The following THSD7B variants were observed in gnomAD, a reference collection of about 807,000 sequenced individuals.
The protein encoded by THSD7B is thrombospondin type 1 domain containing 7B, also known as thrombospondin type-1 domain-containing protein 7B.
Under a neutral mutation model 213.6 loss-of-function variants are expected in THSD7B, and 138 were observed. The observed-to-expected ratio is 0.65, with a 90% CI of 0.56 to 0.74. THSD7B has a LOEUF of 0.74. Among genes scored for constraint, THSD7B ranks in the 30% least tolerant of loss-of-function variants. The probability of loss-of-function intolerance (pLI) is 0.00; values close to 1 mark genes in which losing one functional copy is unlikely to be tolerated. For missense variants in THSD7B, 1,931 were observed against 1,991.5 expected (o/e 0.97, Z 0.58); for synonymous variants, 742 against 687.0 (o/e 1.08, Z -1.25).
intron 15 of THSD7B, among the ~76,000 whole-genome samples, chr2:137,489,222 C>T (rs1039478441): frequency 6.6e-6 from 1 of 151,800 alleles, no homozygotes; most frequent in Non-Finnish European, 1.5e-5. Flanking sequence ...GTCAGGAGAT[C>T]GAGACCATCC....
chr2:136,990,405 G>T (rs749932790), intron 2 of THSD7B, among the ~76,000 whole-genome samples: 1 of 152,224 alleles, frequency 6.6e-6, no homozygotes, highest in Admixed American at 6.5e-5. Flanking sequence ...GCCTGAGCAA[G>T]AGTGGCCGAG....
At chr2:136,951,747 T>C (rs522859) in intron 2 of THSD7B, among the ~76,000 whole-genome samples, 61,730 of 152,196 alleles carry the variant, frequency 0.41, 14,785 homozygotes, top group Non-Finnish European at 0.55. Flanking sequence ...TTATAATTGC[T>C]AGTTGGTGGT....
chr2:137,070,744 G>T (rs1386931626), intron 3 of THSD7B, among the ~76,000 whole-genome samples: 2 of 151,292 alleles, frequency 1.3e-5, no homozygotes, highest in Non-Finnish European at 2.9e-5. Context: ...CCCGGTGTAT[G>T]ATGTTCCCCT....
At chr2:137,533,181 C>T (rs1680432389) in intron 15 of THSD7B, among the ~76,000 whole-genome samples, 1 of 151,404 alleles carries the variant, frequency 6.6e-6, no homozygotes, top group African/African-American at 2.4e-5. Context: ...TAAATAATTC[C>T]CTATTGCTAA....
intron 27 of THSD7B, among the ~76,000 whole-genome samples, chr2:137,674,385 T>C (rs746741276): frequency 6.6e-5 from 10 of 152,174 alleles, no homozygotes; most frequent in Non-Finnish European, 1.0e-4. Flanking sequence ...TGTACTCTTT[T>C]TTGCCATTAA....
At chr2:136,825,676 C>T (rs145148524) in intron 1 of THSD7B, among the ~76,000 whole-genome samples, 2,935 of 150,598 alleles carry the variant, frequency 0.019, 97 homozygotes, top group African/African-American at 0.067. Flanking sequence ...CTCAGCCTCC[C>T]GAGTAGCTGG....
chr2:137,650,177 A>G (rs952922701), intron 21 of THSD7B, among the ~76,000 whole-genome samples: 2 of 152,220 alleles, frequency 1.3e-5, no homozygotes, highest in Admixed American at 1.3e-4. Flanking sequence ...CTTTGGAAGT[A>G]TCATCATTTT....
chr2:136,766,611 C>G (rs1468636586), intron 1 of THSD7B, among the ~76,000 whole-genome samples: 1 of 152,280 alleles, frequency 6.6e-6, no homozygotes, highest in East Asian at 1.9e-4. Flanking sequence ...CTCACTCTAT[C>G]CCTTTTTAAA....
chr2:137,665,748 C>T (rs1172795982), intron 26 of THSD7B, among the ~76,000 whole-genome samples: 1 of 152,010 alleles, frequency 6.6e-6, no homozygotes, highest in Non-Finnish European at 1.5e-5. Flanking sequence ...TAAATGCCCA[C>T]AAATAGAATA....
chr2:137,121,263 G>A (rs1219608797), intron 5 of THSD7B, among the ~76,000 whole-genome samples: 1 of 152,166 alleles, frequency 6.6e-6, no homozygotes, highest in Non-Finnish European at 1.5e-5. Flanking sequence ...GCAGGAGAGA[G>A]CTACCCTGGA....
At chr2:136,797,125 A>G (rs898067872) in intron 1 of THSD7B, among the ~76,000 whole-genome samples, 31 of 151,892 alleles carry the variant, frequency 2.0e-4, no homozygotes, top group Non-Finnish European at 3.5e-4. Context: ...TCACTTGGGG[A>G]CTTTTCAAGG....
rs1196677730 is a variant in THSD7B at position 137,667,837 on chromosome 2, T to A, written c.4715T>A (p.Leu1572Gln). The A allele has an allele frequency of 6.3e-7, 1 of 1,599,266 alleles. No individual in the cohort carries two copies. The highest frequency in any genetic ancestry group is 2.2e-5 in the East Asian group (1 of 44,604). The change falls in exon 27 of 28, where the codon CTA (leucine) becomes CAA (glutamine). Residue 1572 changes from leucine to glutamine, a missense_variant. Leu to Gln is a moderately radical substitution (Grantham distance 113). Coordinates refer to ENST00000409968, the MANE Select transcript of THSD7B (RefSeq NM_001316349.2). The stretch of plus-strand genomic sequence containing the variant: ...GGCGCTTTTCTCATCATGATTTTCC[T>A]AATATTTACTTCCTACCTTGTTTGG... ...SGGAFLIMIFLIFTSYLVCKK... is the reference protein window; with the variant it reads ...SGGAFLIMIFQIFTSYLVCKK...
At chr2:136,851,749 C>T (rs530930372) in intron 1 of THSD7B, among the ~76,000 whole-genome samples, 38 of 152,102 alleles carry the variant, frequency 2.5e-4, no homozygotes, top group African/African-American at 8.7e-4. Context: ...AGTCTTGTAT[C>T]GTTACAGCCT....
At position 137,575,725 on chromosome 2, in the gene THSD7B, C is replaced by CACACATATATATATATATAT. The variant is rs59620213; in HGVS notation, c.3423+3170_3423+3171insCACATATATATATATATATA. 2.3e-3 allele frequency among the ~76,000 whole-genome samples: 253 copies of CACACATATATATATATATAT among 110,822 alleles called. 2 individuals carry two copies. Among genetic ancestry groups the CACACATATATATATATATAT allele is most frequent in the African/African-American group, 4.5e-3 (144 of 32,144 alleles). 72.7% of individuals were successfully genotyped at this position (110,822 alleles called of 152,430 possible). A position where few individuals can be genotyped will look rare whatever the true frequency, so the allele number is the denominator to read the frequency against. On this transcript the variant is annotated intron_variant, in intron 17 of 27. Coordinates refer to ENST00000409968, the MANE Select transcript of THSD7B (RefSeq NM_001316349.2). ...TGTTTTTTCTTATTCCCATAACACA[C>CACACATATATATATATATAT]ATATATATATATATATATTTTTACT...
At chr2:137,016,353 A>G (rs1686340405) in intron 2 of THSD7B, among the ~76,000 whole-genome samples, 1 of 152,162 alleles carries the variant, frequency 6.6e-6, no homozygotes. Flanking sequence ...GATGTATGAT[A>G]AGAGTGAATT....
intron 2 of THSD7B, among the ~76,000 whole-genome samples, chr2:136,989,570 G>A (rs1368062): frequency 0.41 from 62,508 of 152,040 alleles, 15,282 homozygotes; most frequent in Non-Finnish European, 0.55. Flanking sequence ...ATGAGCCAAA[G>A]AAGGAAACCT....
Position 137,057,139 on chromosome 2 carries a change from C to T in THSD7B, c.859C>T (p.His287Tyr), listed in dbSNP as rs138536184. The change falls in exon 3 of 28, where the codon CAT becomes TAT. Residue 287 changes from histidine (H) to tyrosine (Y), a missense_variant. His to Tyr is a moderately conservative substitution (Grantham distance 83). Transcript: ENST00000409968. ...VTFKHQSYKA[H>Y]HHSKSWAIEI... ...CTTTAAACATCAAAGTTACAAAGCACATCATCATTCGAAGTCTTGGGCAAT... is the reference window on the plus strand; with the variant it reads ...CTTTAAACATCAAAGTTACAAAGCATATCATCATTCGAAGTCTTGGGCAAT... 6.0e-4 allele frequency: 966 copies of T among 1,613,946 alleles called. 4 individuals carry two copies. The highest frequency in any genetic ancestry group is 4.1e-3 in the Middle Eastern group (25 of 6,062).
At chr2:137,367,558 A>C (rs559206010) in intron 12 of THSD7B, among the ~76,000 whole-genome samples, 1 of 152,324 alleles carries the variant, frequency 6.6e-6, no homozygotes, top group East Asian at 1.9e-4. Context: ...GTCATCTCTG[A>C]GTTCCCTTCC....
At chr2:137,071,585 G>A (rs1433609136) in intron 3 of THSD7B, among the ~76,000 whole-genome samples, 3 of 152,072 alleles carry the variant, frequency 2.0e-5, no homozygotes, top group South Asian at 4.1e-4. Flanking sequence ...GTCAATATTG[G>A]CTTTTGTTGC....
Sources: allele counts gnomAD v4.1 joint callset (sites outside exome capture counted in the v4.1 genomes callset), GRCh38; gene constraint gnomAD v4.1.1; transcripts MANE v1.5; gene names NCBI Gene and HGNC (gene_info 2026-07-23, HGNC 2026-07-21).